The following SGCD variants were observed in gnomAD, a reference collection of about 807,000 sequenced individuals.
SGCD encodes delta-sarcoglycan.
SGCD carries 18 observed loss-of-function variants against 36.6 expected under a neutral mutation model. The observed-to-expected ratio is 0.49, with a 90% CI of 0.34 to 0.73. The LOEUF (loss-of-function observed/expected upper bound fraction) is 0.73. SGCD is among the 30% of genes least tolerant of loss of function. The pLI is 0.01. For missense variants in SGCD, 387 were observed against 346.7 expected (o/e 1.12, Z -0.92); for synonymous variants, 133 against 130.6 (o/e 1.02, Z -0.12).
chr5:156,189,059 T>A (rs939597328), intron 3 of SGCD, among the ~76,000 whole-genome samples: 1 of 152,186 alleles, frequency 6.6e-6, no homozygotes, highest in Non-Finnish European at 1.5e-5. Context: ...TTTCAGTGAA[T>A]CTTCAGAGGG....
At chr5:155,895,446 A>G (rs1756228896) in intron 1 of SGCD, among the ~76,000 whole-genome samples, 1 of 152,166 alleles carries the variant, frequency 6.6e-6, no homozygotes, top group Non-Finnish European at 1.5e-5. Flanking sequence ...AGTTCTCTTT[A>G]ATGGGCTTAT....
chr5:156,539,567 A>C (rs1263121640), intron 4 of SGCD, among the ~76,000 whole-genome samples: 1 of 152,026 alleles, frequency 6.6e-6, no homozygotes, highest in Non-Finnish European at 1.5e-5. Context: ...GCTTCATCCA[A>C]GTTGTAGCAA....
chr5:156,350,498 C>G (rs35935568), intron 3 of SGCD, among the ~76,000 whole-genome samples: 61,049 of 151,282 alleles, frequency 0.4, 13,194 homozygotes, highest in East Asian at 0.78. Context: ...CTGTGCTATC[C>G]CCAAGGATAC....
chr5:156,602,732 G>C (rs953278152), intron 6 of SGCD, among the ~76,000 whole-genome samples: 1 of 152,060 alleles, frequency 6.6e-6, no homozygotes, highest in Non-Finnish European at 1.5e-5. Flanking sequence ...CATTAACGTA[G>C]TATATCACAC....
intron 3 of SGCD, among the ~76,000 whole-genome samples, chr5:156,207,296 A>G (rs1263509985): frequency 1.3e-5 from 2 of 152,132 alleles, no homozygotes; most frequent in Non-Finnish European, 2.9e-5. Flanking sequence ...AATTCAGTAA[A>G]ATGGCATGGA....
At chr5:155,906,337 C>G (rs1433454469) in intron 1 of SGCD, among the ~76,000 whole-genome samples, 2 of 152,050 alleles carry the variant, frequency 1.3e-5, no homozygotes, top group African/African-American at 2.4e-5. Flanking sequence ...ACAGTGTCCT[C>G]TAAGTATTCA....
intron 3 of SGCD, among the ~76,000 whole-genome samples, chr5:156,132,002 A>G (rs1762335044): frequency 6.6e-6 from 1 of 152,242 alleles, no homozygotes; most frequent in African/African-American, 2.4e-5. Context: ...AATTGCAAAT[A>G]TGTGCAAGCT....
rs147298342 is a variant in SGCD, at chr5:156,335,418, A to G, written c.3+5839A>G. On this transcript the variant is annotated intron_variant, in intron 2 of 8. Transcript: ENST00000337851. ...AGGTATATTTGGACCTATGTGAAACATGTCTGCTCTATGTCTATGGCTTTC... is the reference window on the plus strand; with the variant it reads ...AGGTATATTTGGACCTATGTGAAACGTGTCTGCTCTATGTCTATGGCTTTC... Among the ~76,000 whole-genome samples the G allele has an allele frequency of 3.3e-4, 50 of 152,296 alleles. No homozygotes were observed. In the East Asian group the frequency reaches 8.7e-3, roughly 27 times the overall value.
chr5:156,453,622 G>A (rs1450935690), intron 3 of SGCD, among the ~76,000 whole-genome samples: 5 of 152,162 alleles, frequency 3.3e-5, no homozygotes, highest in South Asian at 2.1e-4. Context: ...TGGGAAGGGC[G>A]GTACTCTCAA....
intron 1 of SGCD, among the ~76,000 whole-genome samples, chr5:155,942,505 G>A (rs1757349558): frequency 6.6e-6 from 1 of 152,158 alleles, no homozygotes; most frequent in Non-Finnish European, 1.5e-5. Context: ...CAGCACAGTA[G>A]TGGAAGCCCC....
chr5:156,588,296 T>C (rs190640832), intron 4 of SGCD, among the ~76,000 whole-genome samples: 184 of 152,152 alleles, frequency 1.2e-3, no homozygotes, highest in Middle Eastern at 6.8e-3. Flanking sequence ...AAAAAGAATA[T>C]CTCATGTCAT....
At chr5:156,686,013 C>T (rs1041842158) in intron 7 of SGCD, among the ~76,000 whole-genome samples, 3 of 152,066 alleles carry the variant, frequency 2.0e-5, no homozygotes, top group Non-Finnish European at 4.4e-5. Flanking sequence ...TGCACATATA[C>T]CTCTGAACCT....
chr5:155,793,692 C>T, the SGCD span, among the ~76,000 whole-genome samples: 1 of 151,748 alleles, frequency 6.6e-6, no homozygotes, highest in South Asian at 2.1e-4. Flanking sequence ...CAGGCATGCA[C>T]CACCACGTCT....
At chr5:156,535,103 C>G (rs887419161) in intron 4 of SGCD, among the ~76,000 whole-genome samples, 4 of 152,136 alleles carry the variant, frequency 2.6e-5, no homozygotes, top group Non-Finnish European at 5.9e-5. Context: ...AAGCCATTTC[C>G]CAAGAGGTTC....
intron 7 of SGCD, among the ~76,000 whole-genome samples, chr5:156,682,294 C>T (rs1416310845): frequency 6.6e-6 from 1 of 152,124 alleles, no homozygotes; most frequent in Non-Finnish European, 1.5e-5. Context: ...GGTTTATTCT[C>T]GTTGAGAAAT....
chr5:156,441,508 A>G (rs1022305370), intron 3 of SGCD, among the ~76,000 whole-genome samples: 1 of 152,204 alleles, frequency 6.6e-6, no homozygotes, highest in African/African-American at 2.4e-5. Context: ...ACTAATCATT[A>G]CATATGGTAC....
chr5:156,172,626 C>G (rs1197946624), intron 3 of SGCD, among the ~76,000 whole-genome samples: 1 of 152,052 alleles, frequency 6.6e-6, no homozygotes, highest in Non-Finnish European at 1.5e-5. Flanking sequence ...AAGTGAAATC[C>G]TTTTAAGACT....
chr5:156,092,439 A>G (rs1314505106), intron 1 of SGCD, among the ~76,000 whole-genome samples: 1 of 152,176 alleles, frequency 6.6e-6, no homozygotes, highest in African/African-American at 2.4e-5. Flanking sequence ...TTGGTAAGTC[A>G]TCTACATATC....
intron 3 of SGCD, among the ~76,000 whole-genome samples, chr5:156,371,004 T>C (rs990070519): frequency 6.6e-6 from 1 of 152,162 alleles, no homozygotes; most frequent in Admixed American, 6.5e-5. Context: ...GATGTTTTTC[T>C]CCCCTTATGG....
Sources: gnomAD v4.1 joint callset for allele counts (sites outside exome capture counted in the v4.1 genomes callset) on GRCh38, gnomAD v4.1.1 for gene constraint, MANE v1.5 for transcripts, NCBI Gene and HGNC (gene_info 2026-07-23, HGNC 2026-07-21) for gene names.